Variants in PDE8B observed in about 807,000 individuals in gnomAD.
The protein encoded by PDE8B is phosphodiesterase 8B.
Under a neutral mutation model 101.3 loss-of-function variants are expected in PDE8B, and 26 were observed. The ratio of observed to expected loss-of-function variants is 0.26; its 90% CI spans 0.19 to 0.36. The LOEUF (loss-of-function observed/expected upper bound fraction) is 0.36, where lower values mean the gene tolerates loss of function less well. PDE8B is among the 10% of genes least tolerant of loss of function. PDE8B has a pLI of 1.00. For missense variants in PDE8B, 810 were observed against 1,163.1 expected (o/e 0.70, Z 4.42); for synonymous variants, 424 against 429.3 (o/e 0.99, Z 0.15).
intron 1 of PDE8B, among the ~76,000 whole-genome samples, chr5:77,215,444 T>C (rs1438310313): frequency 1.3e-5 from 2 of 152,230 alleles, no homozygotes; most frequent in African/African-American, 4.8e-5. Context: ...TCCCTTCTTT[T>C]CCCAGCACAT....
chr5:77,295,115 G>A (rs1768233442), intron 1 of PDE8B, among the ~76,000 whole-genome samples: 1 of 152,064 alleles, frequency 6.6e-6, no homozygotes, highest in Admixed American at 6.6e-5. Context: ...AATCAGATTG[G>A]CATCAGAACC....
chr5:77,419,092 A>G (rs776371032), intron 18 of PDE8B, among the ~76,000 whole-genome samples: 8 of 152,182 alleles, frequency 5.3e-5, no homozygotes, highest in Non-Finnish European at 1.2e-4. Context: ...AACTGGGAAA[A>G]CATGGAGATG....
intron 2 of PDE8B, among the ~76,000 whole-genome samples, chr5:77,315,992 A>G (rs1773702135): frequency 6.6e-6 from 1 of 151,910 alleles, no homozygotes; most frequent in African/African-American, 2.4e-5. Flanking sequence ...TTTTTTTTCA[A>G]TAAAAATATG....
the PDE8B span, among the ~76,000 whole-genome samples, chr5:77,099,263 A>T: frequency 6.6e-6 from 1 of 152,246 alleles, no homozygotes; most frequent in East Asian, 1.9e-4. Flanking sequence ...CATGGTGAGA[A>T]CTATGTTTTA....
intron 1 of PDE8B, among the ~76,000 whole-genome samples, chr5:77,300,370 C>T (rs141844127): frequency 7.4e-4 from 112 of 152,292 alleles, no homozygotes; most frequent in African/African-American, 2.6e-3. Flanking sequence ...TAACCCTTTG[C>T]TGTGCTTTGG....
intron 1 of PDE8B, among the ~76,000 whole-genome samples, chr5:77,280,231 C>T (rs1435763419): frequency 6.6e-6 from 1 of 152,132 alleles, no homozygotes; most frequent in East Asian, 1.9e-4. Context: ...CTGAAGAGCT[C>T]CCGGAGCCTG....
intron 2 of PDE8B, among the ~76,000 whole-genome samples, chr5:77,323,512 C>T (rs1404643139): frequency 6.6e-6 from 1 of 152,018 alleles, no homozygotes; most frequent in African/African-American, 2.4e-5. Context: ...CTGTATTTGC[C>T]ACCATCTATT....
the PDE8B span, among the ~76,000 whole-genome samples, chr5:77,131,914 T>C: frequency 6.6e-6 from 1 of 152,178 alleles, no homozygotes; most frequent in African/African-American, 2.4e-5. Context: ...GTAAATTTGC[T>C]TCTGTATCAA....
chr5:77,154,186 C>T, the PDE8B span, among the ~76,000 whole-genome samples: 4 of 152,214 alleles, frequency 2.6e-5, no homozygotes, highest in African/African-American at 7.2e-5. Flanking sequence ...TTGCCTCTCA[C>T]CCAAATTGCT....
At chr5:77,358,122 C>A (rs1782440721) in intron 10 of PDE8B, among the ~76,000 whole-genome samples, 1 of 152,234 alleles carries the variant, frequency 6.6e-6, no homozygotes. Context: ...CAGCTTCTGG[C>A]AAACCATGAT....
chr5:77,415,895 AATG>A (rs1357014915), intron 17 of PDE8B, among the ~76,000 whole-genome samples: 3 of 152,362 alleles, frequency 2.0e-5, no homozygotes, highest in African/African-American at 7.2e-5. Context: ...ACAGATCTAG[AATG>A]AAACCCTTTC....
At chr5:77,219,278 G>C (rs955640558) in intron 1 of PDE8B, among the ~76,000 whole-genome samples, 1 of 152,104 alleles carries the variant, frequency 6.6e-6, no homozygotes, top group Non-Finnish European at 1.5e-5. Context: ...GTATATTGTT[G>C]GGAAAATGAT....
chr5:77,305,884 G>A (rs1052184926), intron 1 of PDE8B, among the ~76,000 whole-genome samples: 5 of 152,154 alleles, frequency 3.3e-5, no homozygotes, highest in East Asian at 1.9e-4. Context: ...CCGTGGACCC[G>A]TCACAAAGTG....
chr5:77,329,077 C>A lies in PDE8B; in HGVS notation c.650+20C>A, dbSNP rs1468771077. 6.3e-7 allele frequency: 1 copy of A among 1,583,814 alleles called. No homozygotes were observed. Among genetic ancestry groups the A allele is most frequent in the East Asian group, 2.2e-5 (1 of 44,726 alleles). On this transcript the variant is annotated intron_variant, in intron 4 of 21. Transcript: ENST00000264917. Reference sequence around the variant, plus strand: ...GCGAGTGTAAGTGCACCTCCCATTCCCAGATGGAAGGAGTACTGTTCATTC... The same window carrying A: ...GCGAGTGTAAGTGCACCTCCCATTCACAGATGGAAGGAGTACTGTTCATTC...
In PDE8B at chr5:77,353,415, T is replaced by C. The variant is rs781423176; in HGVS notation, c.1167+9T>C. 6 of 1,561,538 alleles carry C rather than the reference T, an allele frequency of 3.8e-6. No individual in the cohort carries two copies. Among genetic ancestry groups the C allele is most frequent in the Non-Finnish European group, 5.3e-6 (6 of 1,132,040 alleles). On this transcript the variant is annotated intron_variant, in intron 10 of 21. Coordinates refer to ENST00000264917, the MANE Select transcript of PDE8B (RefSeq NM_003719.5). ...CTGACAATAATAAGCAGGTATGGTA[T>C]TAGCTCACTTCGTTTGCTCTGTCTG...
the PDE8B span, among the ~76,000 whole-genome samples, chr5:77,158,473 A>G: frequency 6.6e-6 from 1 of 152,212 alleles, no homozygotes; most frequent in Non-Finnish European, 1.5e-5. Flanking sequence ...TTCTTCTAAA[A>G]CAATGCAAGA....
At chr5:77,151,580 A>T in the PDE8B span, among the ~76,000 whole-genome samples, 1 of 152,222 alleles carries the variant, frequency 6.6e-6, no homozygotes, top group Admixed American at 6.5e-5. Flanking sequence ...TGGCTCAGGC[A>T]TGTGCACATA....
chr5:77,256,345 A>C (rs943749419), intron 1 of PDE8B, among the ~76,000 whole-genome samples: 2 of 152,204 alleles, frequency 1.3e-5, no homozygotes, highest in African/African-American at 4.8e-5. Flanking sequence ...CTACATATAC[A>C]CAAGCCATGT....
intron 12 of PDE8B, 49 bp from the exon 13 acceptor site, chr5:77,407,332 C>G (rs1296318025): frequency 6.2e-6 from 9 of 1,442,830 alleles, no homozygotes; most frequent in Non-Finnish European, 8.8e-6. Context: ...CTGCACTTAG[C>G]CACACTGAGC....
Sources: gnomAD v4.1 joint callset for allele counts (sites outside exome capture counted in the v4.1 genomes callset) on GRCh38, gnomAD v4.1.1 for gene constraint, MANE v1.5 for transcripts, NCBI Gene and HGNC (gene_info 2026-07-23, HGNC 2026-07-21) for gene names.